ADRA1A: variants seen among roughly 807,000 people sequenced by gnomAD.
ADRA1A encodes the protein adrenoceptor alpha 1A, also known as alpha-1A adrenergic receptor.
A neutral mutation model predicts 29.6 loss-of-function variants in ADRA1A; 31 were observed. The observed-to-expected ratio is 1.05, with a 90% confidence interval of 0.79 to 1.41. The LOEUF (loss-of-function observed/expected upper bound fraction) is 1.41. Ranked by LOEUF, ADRA1A falls within the 40% of genes most tolerant of loss-of-function variation. The probability of loss-of-function intolerance (pLI) is 0.00; values close to 1 mark genes in which losing one functional copy is unlikely to be tolerated. For missense variants in ADRA1A, 619 were observed against 601.1 expected (o/e 1.03, Z -0.31); for synonymous variants, 311 against 254.3 (o/e 1.22, Z -2.12).
intron 2 of ADRA1A, among the ~76,000 whole-genome samples, chr8:26,862,554 G>C (rs1813556222): frequency 6.6e-6 from 1 of 152,214 alleles, no homozygotes; most frequent in African/African-American, 2.4e-5. Flanking sequence ...GCACACGCAT[G>C]AATACGTGTG....
chr8:26,769,835 T>C lies in ADRA1A; in HGVS notation c.*314A>G. The C allele has an allele frequency of 2.8e-6, 3 of 1,088,150 alleles. No homozygotes were observed. Among genetic ancestry groups the C allele is most frequent in the East Asian group, 5.9e-5 (1 of 17,072 alleles). 67.4% of individuals were successfully genotyped at this position (1,088,150 alleles called of 1,614,324 possible). A position where few individuals can be genotyped will look rare whatever the true frequency, so the allele number is the denominator to read the frequency against. On this transcript the variant is annotated 3_prime_UTR_variant, in exon 3 of 3. Transcript: ENST00000380573. ...TGATGAAATCATAATCCTATATTTA[T>C]AGTCTTTTGGATTGTGCATGAAATT...
intron 2 of ADRA1A, among the ~76,000 whole-genome samples, chr8:26,786,751 G>A (rs1585687700): frequency 6.6e-6 from 1 of 151,850 alleles, no homozygotes; most frequent in Non-Finnish European, 1.5e-5. Context: ...GGTTGGGGGG[G>A]GGGGTCTCTC....
intron 2 of ADRA1A, among the ~76,000 whole-genome samples, chr8:26,784,741 T>C (rs900112003): frequency 5.9e-5 from 9 of 152,120 alleles, no homozygotes; most frequent in Non-Finnish European, 1.3e-4. Context: ...TTTTCCTAAG[T>C]TTTTCATAAG....
At chr8:26,798,273 C>T (rs1808322342) in intron 2 of ADRA1A, among the ~76,000 whole-genome samples, 1 of 152,210 alleles carries the variant, frequency 6.6e-6, no homozygotes, top group Admixed American at 6.5e-5. Context: ...GCCACTGTAC[C>T]TGGCTAGTCT....
downstream of ADRA1A, among the ~76,000 whole-genome samples, chr8:26,754,990 T>TTG (rs983327407): frequency 6.6e-6 from 1 of 152,224 alleles, no homozygotes; most frequent in Non-Finnish European, 1.5e-5. Flanking sequence ...GTTGTTGTTG[T>TTG]TGTTGTTGGA....
chr8:26,835,824 T>A (rs1192540203), intron 2 of ADRA1A: 1 of 152,262 alleles, frequency 6.6e-6, no homozygotes, highest in Non-Finnish European at 1.5e-5. Context: ...TCATTATTTT[T>A]TGTTATTTCC....
chr8:26,814,451 G>A (rs1159909183), intron 2 of ADRA1A, among the ~76,000 whole-genome samples: 1 of 152,046 alleles, frequency 6.6e-6, no homozygotes. Context: ...TTGTAGAGAT[G>A]GGGTCTTGCT....
Position 26,866,930 on chromosome 8 carries a change from A to C in ADRA1A, c.-687+6T>G. On this transcript the variant is annotated splice_donor_region_variant and intron_variant, in intron 1 of 2. Transcript: ENST00000380573. This position sits in a 1 kb window ranked among gnomAD's most constrained non-coding sequence, Gnocchi z 5.7. ...CCCTGCGGGACGCCGGCCCCGGCGC[A>C]CTCACCTGAAGCGCCGCTGCTGAGC... The C allele has an allele frequency of 1.0e-6, 1 of 985,292 alleles. No individual in the cohort carries two copies. The highest frequency in any genetic ancestry group is 1.2e-6 in the Non-Finnish European group (1 of 829,946). 61.0% of individuals were successfully genotyped at this position (985,292 alleles called of 1,614,324 possible). A position where few individuals can be genotyped will look rare whatever the true frequency, so the allele number is the denominator to read the frequency against.
At chr8:26,780,082 T>G (rs1276095029) in intron 2 of ADRA1A, among the ~76,000 whole-genome samples, 1 of 152,176 alleles carries the variant, frequency 6.6e-6, no homozygotes, top group Non-Finnish European at 1.5e-5. Context: ...TTGTTGCTGA[T>G]AAGATCAAGT....
At chr8:26,828,600 G>A (rs1392470952) in intron 2 of ADRA1A, among the ~76,000 whole-genome samples, 13 of 152,192 alleles carry the variant, frequency 8.5e-5, no homozygotes, top group Admixed American at 5.2e-4. Flanking sequence ...CTGTGATGCC[G>A]AGGACTGATT....
intron 2 of ADRA1A, among the ~76,000 whole-genome samples, chr8:26,785,773 A>G (rs1807325324): frequency 6.6e-6 from 1 of 152,212 alleles, no homozygotes. Context: ...AAAATGACAC[A>G]TGCTAGTCTG....
chr8:26,802,514 AC>A (rs1230871354), intron 2 of ADRA1A, among the ~76,000 whole-genome samples: 1 of 152,226 alleles, frequency 6.6e-6, no homozygotes, highest in African/African-American at 2.4e-5. Flanking sequence ...GCAAATCAAA[AC>A]TACAATGAGT....
chr8:26,859,771 CTT>C (rs368780944), intron 2 of ADRA1A, among the ~76,000 whole-genome samples: 222 of 137,502 alleles, frequency 1.6e-3, no homozygotes, highest in Non-Finnish European at 2.5e-3. Context: ...TATCATTTTT[CTT>C]TTTTTTTTTT....
At position 26,865,937 on chromosome 8, in the gene ADRA1A, G is replaced by T. The variant is rs1464415963; in HGVS notation, c.-686-282C>A. Among the ~76,000 whole-genome samples, 1 of 152,050 alleles carries T rather than the reference G, an allele frequency of 6.6e-6. No homozygotes were observed. The highest frequency in any genetic ancestry group is 2.4e-5 in the African/African-American group (1 of 41,406). ...AATCCCCAAAACCCCAGGCTCCAGC[G>T]CTCGAAGTCTGGATTTCGAGCGCAG... On this transcript the variant is annotated intron_variant, in intron 1 of 2. Transcript: ENST00000380573. The surrounding 1 kb of genome is among the most constrained non-coding windows in gnomAD (Gnocchi z 7.6).
At chr8:26,826,253 G>A (rs1232128586) in intron 2 of ADRA1A, among the ~76,000 whole-genome samples, 1 of 152,216 alleles carries the variant, frequency 6.6e-6, no homozygotes, top group Admixed American at 6.5e-5. Context: ...CCAGTGGATA[G>A]TTGGGTGTTT....
At chr8:26,783,383 G>C (rs917426062) in intron 2 of ADRA1A, among the ~76,000 whole-genome samples, 21 of 152,214 alleles carry the variant, frequency 1.4e-4, no homozygotes, top group African/African-American at 5.1e-4. Flanking sequence ...ACTCAGCTGA[G>C]CGATGTGGCA....
In ADRA1A at chr8:26,867,135, C is replaced by T; in HGVS notation, c.-886G>A. 2 of 985,444 alleles carry T rather than the reference C, an allele frequency of 2.0e-6. No individual in the cohort carries two copies. Among genetic ancestry groups the T allele is most frequent in the South Asian group, 4.7e-5 (1 of 21,290 alleles). 61.0% of individuals were successfully genotyped at this position (985,444 alleles called of 1,614,324 possible). A position where few individuals can be genotyped will look rare whatever the true frequency, so the allele number is the denominator to read the frequency against. ...AAGCTCCTGAACCGCTGTCACTTTA[C>T]CTGCATTTTTTAAAAAGAGTCAAAA... On this transcript the variant is annotated 5_prime_UTR_variant, in exon 1 of 3. Coordinates refer to ENST00000380573, the MANE Select transcript of ADRA1A (RefSeq NM_000680.4).
At position 26,822,984 on chromosome 8, in the gene ADRA1A, G is replaced by A. The variant is rs560054835; in HGVS notation, c.883+41103C>T. Among the ~76,000 whole-genome samples, 359 of 152,282 alleles carry A rather than the reference G, an allele frequency of 2.4e-3. 2 individuals carry two copies. Among genetic ancestry groups the A allele is most frequent in the Admixed American group, 5.7e-3 (87 of 15,292 alleles). ...CTATGAGAAACCACCCTTTGAGTCA[G>A]TCACCTCCCACCAGGCCCCACTTCC... On this transcript the variant is annotated intron_variant, in intron 2 of 2. Transcript: ENST00000380573.
chr8:26,774,620 T>G (rs1806409714), intron 2 of ADRA1A, among the ~76,000 whole-genome samples: 2 of 150,140 alleles, frequency 1.3e-5, no homozygotes. Context: ...AGTGAGCTAA[T>G]GCGCACCACT....
Sources: allele counts gnomAD v4.1 joint callset (sites outside exome capture counted in the v4.1 genomes callset), GRCh38; gene constraint gnomAD v4.1.1; non-coding constraint Gnocchi (gnomAD v3.1); transcripts MANE v1.5; gene names NCBI Gene and HGNC (gene_info 2026-07-23, HGNC 2026-07-21).